The following KIRREL3 variants were observed in gnomAD, a reference collection of about 807,000 sequenced individuals.
KIRREL3 encodes kirre like nephrin family adhesion molecule 3, also known as kin of IRRE-like protein 3.
In KIRREL3, 36 loss-of-function variants were observed where a neutral mutation model predicts 89.7. That is an observed-to-expected ratio of 0.40 (90% CI 0.31 to 0.53). KIRREL3 has a LOEUF of 0.53. Among genes scored for constraint, KIRREL3 ranks in the 20% least tolerant of loss-of-function variants. The probability of loss-of-function intolerance (pLI) is 0.49; values close to 1 mark genes in which losing one functional copy is unlikely to be tolerated. For synonymous variants in KIRREL3, 445 were observed against 441.4 expected (o/e 1.01, Z -0.10); for missense variants, 864 against 1,056.6 (o/e 0.82, Z 2.53).
chr11:126,507,068 T>C (rs1415677138), intron 4 of KIRREL3, among the ~76,000 whole-genome samples: 1 of 152,200 alleles, frequency 6.6e-6, no homozygotes, highest in African/African-American at 2.4e-5. Context: ...CATGCTACAA[T>C]ACAGACAAAT....
At chr11:126,465,704 G>A (rs1956699748) in intron 5 of KIRREL3, among the ~76,000 whole-genome samples, 1 of 152,188 alleles carries the variant, frequency 6.6e-6, no homozygotes, top group Non-Finnish European at 1.5e-5. Context: ...CTGGGCAGAG[G>A]GGCTGGAGGA....
chr11:126,958,805 T>G (rs1948999069), intron 1 of KIRREL3, among the ~76,000 whole-genome samples: 1 of 152,224 alleles, frequency 6.6e-6, no homozygotes, highest in African/African-American at 2.4e-5. Context: ...TAGTCTTCTT[T>G]GTCCCTTCTT....
At chr11:126,440,158 C>A in intron 11 of KIRREL3, 1 of 637,462 alleles carries the variant, frequency 1.6e-6, no homozygotes, top group Non-Finnish European at 2.9e-6. Flanking sequence ...TTTCTCTCCA[C>A]TACCCTCGTG....
Position 126,778,398 on chromosome 11 carries a change from T to C in KIRREL3, c.56-215486A>G, listed in dbSNP as rs1337934356. On this transcript the variant is annotated intron_variant, in intron 1 of 16. Coordinates refer to ENST00000525144, the MANE Select transcript of KIRREL3 (RefSeq NM_032531.4). This position sits in a 1 kb window ranked among gnomAD's most constrained non-coding sequence, Gnocchi z 4.5. ...GAGGGGCTAAATCAGTGGGAACATC[T>C]TTCTATGTCCATAAATACACTTCCA... Among the ~76,000 whole-genome samples, 2 of 152,222 alleles carry C rather than the reference T, an allele frequency of 1.3e-5. No individual in the cohort carries two copies. The highest frequency in any genetic ancestry group is 2.9e-5 in the Non-Finnish European group (2 of 68,030).
intron 1 of KIRREL3, among the ~76,000 whole-genome samples, chr11:126,963,769 C>T (rs1949174593): frequency 1.3e-5 from 2 of 152,186 alleles, no homozygotes; most frequent in South Asian, 4.1e-4. Context: ...TGACTACTCC[C>T]TGAGGACTAC....
At chr11:126,592,484 C>T (rs1942184143) in intron 1 of KIRREL3, among the ~76,000 whole-genome samples, 1 of 152,180 alleles carries the variant, frequency 6.6e-6, no homozygotes, top group South Asian at 2.1e-4. Context: ...ATTCCAAACT[C>T]AGGCTCTTTC....
chr11:126,635,672 C>T lies in KIRREL3; in HGVS notation c.56-72760G>A, dbSNP rs899423549. On this transcript the variant is annotated intron_variant, in intron 1 of 16. Transcript: ENST00000525144. This position sits in a 1 kb window ranked among gnomAD's most constrained non-coding sequence, Gnocchi z 4.0. ...GACTAAGATGTGGCTTTGACCCCAG[C>T]TGGATATCTGCTCACGTCATCAAAG... Among the ~76,000 whole-genome samples the T allele has an allele frequency of 6.6e-6, 1 of 152,218 alleles. No homozygotes were observed. The highest frequency in any genetic ancestry group is 6.5e-5 in the Admixed American group (1 of 15,282).
At position 126,608,683 on chromosome 11, in the gene KIRREL3, T is replaced by C. The variant is rs1942994181; in HGVS notation, c.56-45771A>G. ...TTCCCAGCCCTCCCTGGCTAAGGGA[T>C]GGTGGTCCCAGAGGCACTGAGGACT... On this transcript the variant is annotated intron_variant, in intron 1 of 16. Transcript: ENST00000525144. The surrounding 1 kb of genome is among the most constrained non-coding windows in gnomAD (Gnocchi z 4.9). Among the ~76,000 whole-genome samples, 2 of 152,152 alleles carry C rather than the reference T, an allele frequency of 1.3e-5. No homozygotes were observed.
intron 1 of KIRREL3, among the ~76,000 whole-genome samples, chr11:126,616,935 C>T (rs1175040776): frequency 6.6e-6 from 1 of 152,234 alleles, no homozygotes; most frequent in Non-Finnish European, 1.5e-5. Context: ...AGCCACTTGG[C>T]CTGGCCTCAT....
Position 126,521,200 on chromosome 11 carries a change from G to T in KIRREL3, c.433+115C>A. On this transcript the variant is annotated intron_variant, in intron 4 of 16. Coordinates refer to ENST00000525144, the MANE Select transcript of KIRREL3 (RefSeq NM_032531.4). This position sits in a 1 kb window ranked among gnomAD's most constrained non-coding sequence, Gnocchi z 4.1. ...TGGAAGCAGCAGTGTCTGGAGCCCT[G>T]TGGGATGATCCCCAGAGGGGAGTCT... The T allele has an allele frequency of 8.7e-7, 1 of 1,144,328 alleles. No homozygotes were observed. The highest frequency in any genetic ancestry group is 1.2e-6 in the Non-Finnish European group (1 of 849,834). 70.9% of individuals were successfully genotyped at this position (1,144,328 alleles called of 1,614,324 possible). A position where few individuals can be genotyped will look rare whatever the true frequency, so the allele number is the denominator to read the frequency against.
At chr11:126,434,768 G>T (rs1398771030) in intron 13 of KIRREL3, among the ~76,000 whole-genome samples, 1 of 152,216 alleles carries the variant, frequency 6.6e-6, no homozygotes, top group Non-Finnish European at 1.5e-5. Context: ...CACTTCCATG[G>T]GGACTGCAGG....
chr11:126,938,787 A>G (rs1948312564), intron 1 of KIRREL3, among the ~76,000 whole-genome samples: 1 of 152,242 alleles, frequency 6.6e-6, no homozygotes, highest in Non-Finnish European at 1.5e-5. Flanking sequence ...TAGAAAAAAC[A>G]CACACTGATT....
intron 7 of KIRREL3, among the ~76,000 whole-genome samples, chr11:126,456,049 T>TG: frequency 8.1e-6 from 1 of 122,914 alleles, no homozygotes; most frequent in African/African-American, 3.1e-5. Flanking sequence ...GTTTTTTTTT[T>TG]TTTTTTTTCC....
chr11:126,894,739 A>T (rs1946081991), intron 1 of KIRREL3, among the ~76,000 whole-genome samples: 1 of 151,776 alleles, frequency 6.6e-6, no homozygotes, highest in Admixed American at 6.6e-5. Context: ...ACAGAGAGAG[A>T]CCCTGTCTCA....
rs374510650 is a variant in KIRREL3, at chr11:126,456,401, C to A, written c.796G>T (p.Val266Phe). 3.1e-6 allele frequency: 5 copies of A among 1,594,294 alleles called. No homozygotes were observed. The highest frequency in any genetic ancestry group is 4.3e-6 in the Non-Finnish European group (5 of 1,170,544). ...VEPQPVLEDN[V>F]VTFHCSAKAN... ...TTTGCAGAGCAGTGGAAAGTGACGACGTTGTCCTCCAGCACTGGCTGTGGC... is the reference window on the plus strand; with the variant it reads ...TTTGCAGAGCAGTGGAAAGTGACGAAGTTGTCCTCCAGCACTGGCTGTGGC... Residue 266 changes from valine to phenylalanine, a missense_variant, in exon 7 of 17, where the codon GTC (valine) becomes TTC (phenylalanine). Coordinates refer to ENST00000525144, the MANE Select transcript of KIRREL3 (RefSeq NM_032531.4).
Position 126,991,477 on chromosome 11 carries a change from A to T in KIRREL3, c.55+8978T>A, listed in dbSNP as rs1591437465. 9.3e-6 allele frequency among the ~76,000 whole-genome samples: 1 copy of T among 107,780 alleles called. No individual in the cohort carries two copies. Among genetic ancestry groups the T allele is most frequent in the Non-Finnish European group, 2.0e-5 (1 of 50,414 alleles). The allele number at this position is 107,780 out of a possible 152,430, so 70.7% of individuals were successfully genotyped here. A position where few individuals can be genotyped will look rare whatever the true frequency, so the allele number is the denominator to read the frequency against. On this transcript the variant is annotated intron_variant, in intron 1 of 16. Transcript: ENST00000525144. This position sits in a 1 kb window ranked among gnomAD's most constrained non-coding sequence, Gnocchi z 5.8. ...TGCCTTTGCTTCCTTCCTTTTTATTATTATTATTATTATTATTTGTCAGAA... is the reference window on the plus strand; with the variant it reads ...TGCCTTTGCTTCCTTCCTTTTTATTTTTATTATTATTATTATTTGTCAGAA...
At chr11:126,630,947 A>G (rs1360034010) in intron 1 of KIRREL3, among the ~76,000 whole-genome samples, 2 of 152,102 alleles carry the variant, frequency 1.3e-5, no homozygotes. Flanking sequence ...CTGACCAACT[A>G]GGAGACAGAG....
In KIRREL3 at chr11:126,434,497, AG is replaced by A. The variant is rs368473822; in HGVS notation, c.1588+770del. On this transcript the variant is annotated intron_variant, in intron 13 of 16. Transcript: ENST00000525144. Reference sequence around the variant, plus strand: ...CATGTCTGCCAGGAGGGGCAGAGGCAGGGGCATGAGGATCCCACGTGGAGCT... The same window carrying A: ...CATGTCTGCCAGGAGGGGCAGAGGCAGGGCATGAGGATCCCACGTGGAGCT... Among the ~76,000 whole-genome samples the A allele has an allele frequency of 2.8e-4, 43 of 152,346 alleles. No homozygotes were observed. In the East Asian group the frequency reaches 7.5e-3, roughly 27 times the overall value.
At position 126,485,925 on chromosome 11, in the gene KIRREL3, G is replaced by C. The variant is rs1957348117; in HGVS notation, c.434-12459C>G. 6.6e-6 allele frequency among the ~76,000 whole-genome samples: 1 copy of C among 152,222 alleles called. No homozygotes were observed. The highest frequency in any genetic ancestry group is 2.4e-5 in the African/African-American group (1 of 41,462). On this transcript the variant is annotated intron_variant, in intron 4 of 16. Coordinates refer to ENST00000525144, the MANE Select transcript of KIRREL3 (RefSeq NM_032531.4). The surrounding 1 kb of genome is among the most constrained non-coding windows in gnomAD (Gnocchi z 5.8). Reference sequence around the variant, plus strand: ...AAGGGAGGGAGGGCTAGTCCAGTGGGCCAGGGAAAGGGAGCCAGGTGCTGT... The same window carrying C: ...AAGGGAGGGAGGGCTAGTCCAGTGGCCCAGGGAAAGGGAGCCAGGTGCTGT...
Sources: gnomAD v4.1 joint callset for allele counts (sites outside exome capture counted in the v4.1 genomes callset) on GRCh38, gnomAD v4.1.1 for gene constraint, Gnocchi (gnomAD v3.1) non-coding constraint, MANE v1.5 for transcripts, NCBI Gene and HGNC (gene_info 2026-07-23, HGNC 2026-07-21) for gene names.